The following STT3A variants were observed in gnomAD, a reference collection of about 807,000 sequenced individuals.
STT3A encodes STT3 oligosaccharyltransferase complex catalytic subunit A, also known as dolichyl-diphosphooligosaccharide--protein glycosyltransferase subunit STT3A.
In STT3A, 34 loss-of-function variants were observed where a neutral mutation model predicts 89.2. The observed-to-expected ratio is 0.38, with a 90% CI of 0.29 to 0.51. The LOEUF is 0.51. Ranked by LOEUF, STT3A falls within the 20% of genes least tolerant of loss-of-function variation. STT3A has a pLI of 0.89. For synonymous variants in STT3A, 282 were observed against 310.3 expected (o/e 0.91, Z 0.96); for missense variants, 555 against 889.5 (o/e 0.62, Z 4.78).
upstream of STT3A, chr11:125,591,960 T>G (rs1411421489): frequency 6.2e-6 from 1 of 161,768 alleles, no homozygotes; most frequent in East Asian, 1.8e-4. Flanking sequence ...TCAGCAAACT[T>G]ATTGGGGGTC....
chr11:125,612,992 G>A lies in STT3A; in HGVS notation c.1369G>A (p.Ala457Thr). 1 of 1,613,574 alleles carries A rather than the reference G, an allele frequency of 6.2e-7. No homozygotes were observed. The highest frequency in any genetic ancestry group is 8.5e-7 in the Non-Finnish European group (1 of 1,179,674). The change falls in exon 13 of 18, where the codon GCA becomes ACA. Residue 457 changes from alanine (A) to threonine (T), a missense_variant. By Grantham distance (58) the Ala-to-Thr change is moderately conservative. Coordinates refer to ENST00000392708, the MANE Select transcript of STT3A (RefSeq NM_152713.5). Reference protein sequence around the residue: ...DSTYPIKNEVASGMILVMAFF... With the variant: ...DSTYPIKNEVTSGMILVMAFF... The stretch of plus-strand genomic sequence containing the variant: ...TTAATTCTTTTTCCTTGTTTAGGTG[G>A]CAAGTGGGATGATACTGGTCATGGC...
intron 1 of STT3A, among the ~76,000 whole-genome samples, chr11:125,595,491 G>A (rs1387224247): frequency 6.6e-6 from 1 of 151,714 alleles, no homozygotes; most frequent in Non-Finnish European, 1.5e-5. Flanking sequence ...ACCCCATATA[G>A]TCCTGCCTTT....
rs191172467 is a variant in STT3A, at chr11:125,596,134, T to C, written c.88+131T>C. 2.5e-3 allele frequency: 1,844 copies of C among 739,286 alleles called. 3 individuals carry two copies. The highest frequency in any genetic ancestry group is 3.3e-3 in the Non-Finnish European group (1,462 of 446,398). 45.8% of individuals were successfully genotyped at this position (739,286 alleles called of 1,614,324 possible). On this transcript the variant is annotated intron_variant, in intron 2 of 17. Coordinates refer to ENST00000392708, the MANE Select transcript of STT3A (RefSeq NM_152713.5). ...GTTACATTTTTCCATTCCTCATTAG[T>C]ATAATTTTATGAAGGCAAAATAAAA...
chr11:125,612,738 T>G lies in STT3A; in HGVS notation c.1356T>G (p.Ile452Met), dbSNP rs1346744909. ...AGCAACAGGATTCCACCTACCCTATTAAGAATGAAGTGAGAAGCAATGTTA... is the reference window on the plus strand; with the variant it reads ...AGCAACAGGATTCCACCTACCCTATGAAGAATGAAGTGAGAAGCAATGTTA... ...SKKQQDSTYPIKNEVASGMIL... is the reference protein window; with the variant it reads ...SKKQQDSTYPMKNEVASGMIL... The change falls in exon 12 of 18, where the codon ATT becomes ATG. Residue 452 changes from isoleucine (I) to methionine (M), a missense_variant. By Grantham distance (10) the Ile-to-Met change is conservative. Transcript: ENST00000392708. The G allele has an allele frequency of 3.1e-6, 5 of 1,613,622 alleles. No individual in the cohort carries two copies. The highest frequency in any genetic ancestry group is 1.3e-5 in the African/African-American group (1 of 74,844).
chr11:125,604,252 G>A lies in STT3A; in HGVS notation c.508+5G>A, dbSNP rs2135921261. 1 of 1,613,638 alleles carries A rather than the reference G, an allele frequency of 6.2e-7. No individual in the cohort carries two copies. Among genetic ancestry groups the A allele is most frequent in the East Asian group, 2.2e-5 (1 of 44,866 alleles). On this transcript the variant is annotated splice_donor_5th_base_variant and intron_variant, in intron 6 of 17. Transcript: ENST00000392708. ...CTGGCTCCTATGATAATGAAGGTAA[G>A]ACTTTTAAAATGCTGAAGAAGATCA...
chr11:125,618,650 G>A (rs577163142), intron 16 of STT3A, 89 bp downstream of exon 16: 2 of 1,333,450 alleles, frequency 1.5e-6, no homozygotes, highest in East Asian at 2.5e-5. Context: ...ACTAGTAAGT[G>A]CTTTGTGTCT....
In STT3A at chr11:125,605,717, C is replaced by T. The variant is rs1476980895; in HGVS notation, c.597C>T (p.Ala199=). Residue 199 remains alanine (A), a synonymous_variant, in exon 7 of 18, where the codon GCC becomes GCT. Coordinates refer to ENST00000392708, the MANE Select transcript of STT3A (RefSeq NM_152713.5). The stretch of plus-strand genomic sequence containing the variant: ...CCATCTGTTGGGCAGCTAAGTGTGC[C>T]CTTGCTTATTTCTACATGGTAACTT... The part of the protein sequence containing the change: ...TGSICWAAKC[A]LAYFYMVSSW... The T allele has an allele frequency of 1.2e-6, 2 of 1,613,278 alleles. No homozygotes were observed. The highest frequency in any genetic ancestry group is 8.5e-7 in the Non-Finnish European group (1 of 1,179,618).
chr11:125,616,611 GCTT>G lies in STT3A; in HGVS notation c.1775-1758_1775-1756del, dbSNP rs200642735. ...AATAAAAAAAGTTGGGCCTGGCCCA[GCTT>G]CTTTTTTTGTAGACAACCATATCTT... On this transcript the variant is annotated intron_variant, in intron 15 of 17. Transcript: ENST00000392708. 1.3e-3 allele frequency among the ~76,000 whole-genome samples: 195 copies of G among 152,328 alleles called. 1 individual carries two copies. The East Asian group carries it at 0.035, about 27-fold the overall frequency.
chr11:125,620,181 C>A, intron 17 of STT3A, 55 bp downstream of exon 17: 2 of 1,403,276 alleles, frequency 1.4e-6, no homozygotes, highest in Non-Finnish European at 2.0e-6. Context: ...AGATTGGTTT[C>A]AATGCTTATA....
chr11:125,606,395 A>G lies in STT3A; in HGVS notation c.710A>G (p.Tyr237Cys), dbSNP rs751638595. 4.3e-6 allele frequency: 7 copies of G among 1,614,158 alleles called. No homozygotes were observed. Among genetic ancestry groups the G allele is most frequent in the South Asian group, 1.1e-5 (1 of 91,084 alleles). Residue 237 changes from tyrosine (Y) to cysteine (C), a missense_variant, in exon 8 of 18, where the codon TAT becomes TGT. By Grantham distance (194) the Tyr-to-Cys change is radical (BLOSUM62 -2). This residue lies in a region of STT3A where 149 missense variants were observed against 206.2 expected (regional missense o/e 0.72). Coordinates refer to ENST00000392708, the MANE Select transcript of STT3A (RefSeq NM_152713.5). ...MLTGRFSHRI[Y>C]VAYCTVYCLG... The stretch of plus-strand genomic sequence containing the variant: ...ACAGGCCGTTTCTCTCACCGGATCT[A>G]TGTGGCCTACTGTACTGTTTACTGC...
chr11:125,615,821 G>A (rs1310573464), intron 15 of STT3A, among the ~76,000 whole-genome samples: 1 of 152,206 alleles, frequency 6.6e-6, no homozygotes, highest in East Asian at 1.9e-4. Context: ...GAAGACTCTT[G>A]AGGTCAGGAG....
chr11:125,621,179 TAG>T lies in STT3A; in HGVS notation c.*373_*374del, dbSNP rs1187849854. 5.7e-6 allele frequency: 1 copy of T among 174,650 alleles called. No homozygotes were observed. The highest frequency in any genetic ancestry group is 2.4e-5 in the African/African-American group (1 of 42,284). The allele number at this position is 174,650 out of a possible 1,614,324, so 10.8% of individuals were successfully genotyped here. A position where few individuals can be genotyped will look rare whatever the true frequency, so the allele number is the denominator to read the frequency against. On this transcript the variant is annotated 3_prime_UTR_variant, in exon 18 of 18. Transcript: ENST00000392708. ...CTCTTAGCTCCCTAAATTAGCCAAA[TAG>T]AGACTTCTTTCTCAAATCAGGAAAA...
chr11:125,608,470 G>GCGCCCGCCACCA (rs1939903811), intron 9 of STT3A, 181 bp downstream of exon 9: 1 of 516,102 alleles, frequency 1.9e-6, no homozygotes, highest in Non-Finnish European at 3.2e-6. Context: ...GCCTGCCACC[G>GCGCCCGCCACCA]CGCCCGCCAC....
chr11:125,599,624 G>A (rs1388335894), intron 3 of STT3A, among the ~76,000 whole-genome samples: 1 of 150,984 alleles, frequency 6.6e-6, no homozygotes, highest in Non-Finnish European at 1.5e-5. Flanking sequence ...ACACAGGCTG[G>A]TCTCAAACTT....
intron 3 of STT3A, among the ~76,000 whole-genome samples, chr11:125,600,492 G>T (rs924542779): frequency 3.3e-5 from 5 of 151,990 alleles, no homozygotes; most frequent in African/African-American, 1.2e-4. Context: ...CTCCTGAGTA[G>T]CTGGGACTAC....
rs1226518525 is a variant in STT3A, at chr11:125,620,816, A to G, written c.*6A>G. 2 of 1,613,492 alleles carry G rather than the reference A, an allele frequency of 1.2e-6. No individual in the cohort carries two copies. Among genetic ancestry groups the G allele is most frequent in the African/African-American group, 2.7e-5 (2 of 74,840 alleles). ...GAGGCTTGTCAAGGACATAAATGTCACGTCCAGCTCTGATATGCTTCGCAC... is the reference window on the plus strand; with the variant it reads ...GAGGCTTGTCAAGGACATAAATGTCGCGTCCAGCTCTGATATGCTTCGCAC... On this transcript the variant is annotated 3_prime_UTR_variant, in exon 18 of 18. Transcript: ENST00000392708.
chr11:125,595,674 A>G (rs952602080), intron 1 of STT3A, among the ~76,000 whole-genome samples: 1 of 152,186 alleles, frequency 6.6e-6, no homozygotes, highest in African/African-American at 2.4e-5. Flanking sequence ...ACTCCATTTT[A>G]GTCTTGACAC....
At chr11:125,609,642 T>C in intron 10 of STT3A, 53 bp downstream of exon 10, 1 of 1,571,082 alleles carries the variant, frequency 6.4e-7, no homozygotes, top group South Asian at 1.2e-5. Context: ...CACAATTTGA[T>C]TCCAAATTTG....
At position 125,614,209 on chromosome 11, in the gene STT3A, A is replaced by G; in HGVS notation, c.1671+6A>G. On this transcript the variant is annotated splice_donor_region_variant and intron_variant, in intron 14 of 17. Transcript: ENST00000392708. The surrounding 1 kb of genome is among the most constrained non-coding windows in gnomAD (Gnocchi z 4.9). The stretch of plus-strand genomic sequence containing the variant: ...ATATTTCTCGAGTAGGGCAGGTAAG[A>G]TAAAGGGATGATCTTTGAGTGTTTG... The G allele has an allele frequency of 6.2e-7, 1 of 1,613,786 alleles. No individual in the cohort carries two copies.
Sources: allele counts gnomAD v4.1 joint callset (sites outside exome capture counted in the v4.1 genomes callset), GRCh38; gene constraint gnomAD v4.1.1; regional missense constraint gnomAD v4.1.1; non-coding constraint Gnocchi (gnomAD v3.1); transcripts MANE v1.5; gene names NCBI Gene and HGNC (gene_info 2026-07-23, HGNC 2026-07-21).